The following GNAI3 variants were observed in gnomAD, a reference collection of about 807,000 sequenced individuals.
GNAI3 encodes guanine nucleotide-binding protein G(i) subunit alpha-3.
A neutral mutation model predicts 41.8 loss-of-function variants in GNAI3; 12 were observed. The observed-to-expected ratio is 0.29, with a 90% CI of 0.18 to 0.47. GNAI3 has a LOEUF of 0.47. Ranked by LOEUF, GNAI3 falls within the 20% of genes least tolerant of loss-of-function variation. GNAI3 has a pLI of 1.00. For missense variants in GNAI3, 360 were observed against 429.6 expected (o/e 0.84, Z 1.43); for synonymous variants, 132 against 146.5 (o/e 0.90, Z 0.71).
chr1:109,564,472 T>C (rs1648398939), intron 1 of GNAI3, among the ~76,000 whole-genome samples: 1 of 152,176 alleles, frequency 6.6e-6, no homozygotes. Context: ...TTTAAGTCAC[T>C]GCATATTTTT....
At position 109,548,638 on chromosome 1, in the gene GNAI3, A is replaced by G. The variant is rs1647888877; in HGVS notation, c.-83A>G. 3.3e-6 allele frequency: 3 copies of G among 914,824 alleles called. No homozygotes were observed. Among genetic ancestry groups the G allele is most frequent in the Non-Finnish European group, 3.5e-6 (2 of 564,058 alleles). 56.7% of individuals were successfully genotyped at this position (914,824 alleles called of 1,614,324 possible). A position where few individuals can be genotyped will look rare whatever the true frequency, so the allele number is the denominator to read the frequency against. On this transcript the variant is annotated 5_prime_UTR_variant, in exon 1 of 9. Coordinates refer to ENST00000369851, the MANE Select transcript of GNAI3 (RefSeq NM_006496.4). ...CTGACGGAGAGGGCCACCGCCCAGCAATAGACGGTGCCTCAGCCTGCCGAG... is the reference window on the plus strand; with the variant it reads ...CTGACGGAGAGGGCCACCGCCCAGCGATAGACGGTGCCTCAGCCTGCCGAG...
rs998940459 is a variant in GNAI3, at chr1:109,593,067, T to C, written c.*745T>C. On this transcript the variant is annotated 3_prime_UTR_variant, in exon 9 of 9. Transcript: ENST00000369851. The stretch of plus-strand genomic sequence containing the variant: ...ACCTTGTTTGTGCAGATTACCAAAT[T>C]ACTGCTGATGTAGTATGATAAAGTC... The C allele has an allele frequency of 6.6e-6, 1 of 152,626 alleles. No homozygotes were observed. Among genetic ancestry groups the C allele is most frequent in the Non-Finnish European group, 1.5e-5 (1 of 68,036 alleles). The allele number at this position is 152,626 out of a possible 1,614,324, so 9.5% of individuals were successfully genotyped here.
chr1:109,581,572 C>T (rs1648889750), intron 4 of GNAI3, among the ~76,000 whole-genome samples: 1 of 152,096 alleles, frequency 6.6e-6, no homozygotes, highest in Admixed American at 6.5e-5. Flanking sequence ...TTGGCCTTCA[C>T]AATTTAATTC....
At position 109,599,848 on chromosome 1, in the gene GNAI3, C is replaced by T. The variant is rs1402458224; in HGVS notation, c.*7526C>T. Reference sequence around the variant, plus strand: ...TGGGAATGGGAGGAGCTTAGAAGAACAAGAAATTGGCTTTGATTTTATAGT... The same window carrying T: ...TGGGAATGGGAGGAGCTTAGAAGAATAAGAAATTGGCTTTGATTTTATAGT... On this transcript the variant is annotated 3_prime_UTR_variant, in exon 9 of 9. Transcript: ENST00000369851. The T allele has an allele frequency of 6.6e-6, 1 of 152,096 alleles. No individual in the cohort carries two copies. The highest frequency in any genetic ancestry group is 2.4e-5 in the African/African-American group (1 of 41,414). 9.4% of individuals were successfully genotyped at this position (152,096 alleles called of 1,614,324 possible). A position where few individuals can be genotyped will look rare whatever the true frequency, so the allele number is the denominator to read the frequency against.
rs1435000909 is a variant in GNAI3, at chr1:109,574,075, C to T, written c.303+38C>T. ...CATTTCCTCTTCACTTGCTCTTATT[C>T]AGCAGATACAGTTAAGTTAAGCAAA... On this transcript the variant is annotated intron_variant, in intron 3 of 8. Transcript: ENST00000369851. 2.0e-6 allele frequency: 3 copies of T among 1,533,678 alleles called. No homozygotes were observed. In the Admixed American group the frequency reaches 6.2e-5, roughly 32 times the overall value.
At chr1:109,551,471 C>T (rs1024364025) in intron 1 of GNAI3, among the ~76,000 whole-genome samples, 1 of 152,120 alleles carries the variant, frequency 6.6e-6, no homozygotes, top group African/African-American at 2.4e-5. Flanking sequence ...GATATATTTT[C>T]TTTCTTATGG....
In GNAI3 at chr1:109,593,686, A is replaced by G. The variant is rs532876891; in HGVS notation, c.*1364A>G. 8 of 148,316 alleles carry G rather than the reference A, an allele frequency of 5.4e-5. No homozygotes were observed. The South Asian group carries it at 1.8e-3, about 33-fold the overall frequency. The allele number at this position is 148,316 out of a possible 1,614,324, so 9.2% of individuals were successfully genotyped here. A position where few individuals can be genotyped will look rare whatever the true frequency, so the allele number is the denominator to read the frequency against. On this transcript the variant is annotated 3_prime_UTR_variant, in exon 9 of 9. Transcript: ENST00000369851. ...TGTTGAACCTTAGGTTTTATGTTAT[A>G]TCTGCATATGAGTGATATGTGATCA...
chr1:109,579,089 CT>C, intron 3 of GNAI3, 114 bp from the exon 4 acceptor site: 1 of 805,380 alleles, frequency 1.2e-6, no homozygotes, highest in Non-Finnish European at 2.0e-6. Flanking sequence ...GAAAAGGTCT[CT>C]GTAACAACAC....
At chr1:109,582,267 A>C (rs1648912072) in intron 4 of GNAI3, among the ~76,000 whole-genome samples, 170 bp from the exon 5 acceptor site, 1 of 152,168 alleles carries the variant, frequency 6.6e-6, no homozygotes, top group South Asian at 2.1e-4. Context: ...TTGGGATTAC[A>C]GGTGTGAGCC....
intron 1 of GNAI3, among the ~76,000 whole-genome samples, chr1:109,568,341 C>T (rs1412689900): frequency 1.3e-5 from 2 of 151,854 alleles, no homozygotes; most frequent in African/African-American, 4.8e-5. Flanking sequence ...TGAGCCCAGC[C>T]TGGGCAACAT....
intron 1 of GNAI3, among the ~76,000 whole-genome samples, chr1:109,550,320 G>A (rs1440916641): frequency 6.6e-6 from 1 of 152,160 alleles, no homozygotes; most frequent in Non-Finnish European, 1.5e-5. Context: ...GGAGCTTAAG[G>A]TTCCGGTTTG....
chr1:109,574,066 G>A lies in GNAI3; in HGVS notation c.303+29G>A, dbSNP rs149373977. On this transcript the variant is annotated intron_variant, in intron 3 of 8. Coordinates refer to ENST00000369851, the MANE Select transcript of GNAI3 (RefSeq NM_006496.4). Reference sequence around the variant, plus strand: ...AGTGTTTCTCATTTCCTCTTCACTTGCTCTTATTCAGCAGATACAGTTAAG... The same window carrying A: ...AGTGTTTCTCATTTCCTCTTCACTTACTCTTATTCAGCAGATACAGTTAAG... 184 of 1,568,640 alleles carry A rather than the reference G, an allele frequency of 1.2e-4. 2 individuals are homozygous for A. In the East Asian group the frequency reaches 4.1e-3, roughly 35 times the overall value.
chr1:109,555,813 G>T (rs1056641423), intron 1 of GNAI3, among the ~76,000 whole-genome samples: 1 of 152,132 alleles, frequency 6.6e-6, no homozygotes, highest in Non-Finnish European at 1.5e-5. Flanking sequence ...TTCCTCCCCC[G>T]TGGTGCTGAG....
chr1:109,586,165 G>A, intron 5 of GNAI3, 51 bp from the exon 6 acceptor site: 1 of 1,534,978 alleles, frequency 6.5e-7, no homozygotes, highest in South Asian at 1.2e-5. Flanking sequence ...TCAGTTTAGG[G>A]GAAGGTGTAT....
rs1475299470 is a variant in GNAI3, at chr1:109,592,117, A to T, written c.949A>T (p.Lys317Ter). The T allele has an allele frequency of 1.2e-6, 2 of 1,612,022 alleles. No individual in the cohort carries two copies. The highest frequency in any genetic ancestry group is 1.7e-6 in the Non-Finnish European group (2 of 1,178,042). ...FEDLNRRKDT[K>*]EIYTHFTCAT... Reference sequence around the variant, plus strand: ...AGATCTGAACAGAAGAAAAGATACCAAGGAGATCTATACTCACTTCACCTG... The same window carrying T: ...AGATCTGAACAGAAGAAAAGATACCTAGGAGATCTATACTCACTTCACCTG... The change falls in exon 8 of 9, where the codon AAG becomes TAG. Residue 317 changes from lysine to a stop codon, truncating the protein, a stop_gained. Coordinates refer to ENST00000369851, the MANE Select transcript of GNAI3 (RefSeq NM_006496.4). LOFTEE classifies it high-confidence loss of function.
intron 1 of GNAI3, among the ~76,000 whole-genome samples, chr1:109,558,147 G>A (rs192792257): frequency 6.6e-6 from 1 of 152,130 alleles, no homozygotes; most frequent in African/African-American, 2.4e-5. Context: ...ATTAGGCCAG[G>A]CATGGTGGCT....
Position 109,598,921 on chromosome 1 carries a change from AG to A in GNAI3, c.*6601del, listed in dbSNP as rs1374112020. 1.9e-6 allele frequency: 1 copy of A among 534,758 alleles called. No individual in the cohort carries two copies. The highest frequency in any genetic ancestry group is 3.8e-6 in the Non-Finnish European group (1 of 260,058). 33.1% of individuals were successfully genotyped at this position (534,758 alleles called of 1,614,324 possible). A position where few individuals can be genotyped will look rare whatever the true frequency, so the allele number is the denominator to read the frequency against. Reference sequence around the variant, plus strand: ...TGTGCCGGGTAGAGAGGGCAGTGGGAGGTAAGAGCTCTTCACCCTTCACCAC... The same window carrying A: ...TGTGCCGGGTAGAGAGGGCAGTGGGAGTAAGAGCTCTTCACCCTTCACCAC... On this transcript the variant is annotated 3_prime_UTR_variant, in exon 9 of 9. Transcript: ENST00000369851.
intron 1 of GNAI3, among the ~76,000 whole-genome samples, chr1:109,554,200 A>G (rs1410307191): frequency 1.3e-5 from 2 of 152,128 alleles, no homozygotes; most frequent in African/African-American, 2.4e-5. Flanking sequence ...ATGCGTATGC[A>G]AGTATCTTTT....
In GNAI3 at chr1:109,586,781, G is replaced by T; in HGVS notation, c.773G>T (p.Trp258Leu). Residue 258 changes from tryptophan (W) to leucine (L), a missense_variant, in exon 7 of 9, where the codon TGG (tryptophan) becomes TTG (leucine). Physicochemically the swap from Trp to Leu is moderately conservative, Grantham distance 61 (BLOSUM62 -2). Coordinates refer to ENST00000369851, the MANE Select transcript of GNAI3 (RefSeq NM_006496.4). ...KLFDSICNNK[W>L]FTETSIILFL... is the part of the protein sequence containing the mutation. ...TTTGACAGCATTTGTAATAACAAATGGTTTACAGAAACTTCAATCATTCTC... is the reference window on the plus strand; with the variant it reads ...TTTGACAGCATTTGTAATAACAAATTGTTTACAGAAACTTCAATCATTCTC... 1 of 1,602,804 alleles carries T rather than the reference G, an allele frequency of 6.2e-7. No homozygotes were observed. Among genetic ancestry groups the T allele is most frequent in the South Asian group, 1.1e-5 (1 of 90,734 alleles).
Sources: allele counts gnomAD v4.1 joint callset (sites outside exome capture counted in the v4.1 genomes callset), GRCh38; gene constraint gnomAD v4.1.1; transcripts MANE v1.5; gene names NCBI Gene and HGNC (gene_info 2026-07-23, HGNC 2026-07-21).